PSMG4: variants seen among roughly 807,000 people sequenced by gnomAD.
PSMG4 encodes the protein proteasome assembly chaperone 4, also known as proteasome (prosome, macropain) assembly chaperone 4.
In PSMG4, 10 loss-of-function variants were observed where a neutral mutation model predicts 11.0. That is an observed-to-expected ratio of 0.91 (90% CI 0.56 to 1.54). The LOEUF is 1.54. Among genes scored for constraint, PSMG4 ranks in the 40% most tolerant of loss-of-function variants. PSMG4 has a pLI of 0.00. For synonymous variants in PSMG4, 95 were observed against 71.3 expected (o/e 1.33, Z -1.68); for missense variants, 198 against 160.9 (o/e 1.23, Z -1.25).
At chr6:3,257,345 A>G (rs1234378704), upstream of PSMG4, among the ~76,000 whole-genome samples, 1 of 152,134 alleles carries the variant, frequency 6.6e-6, no homozygotes, top group Non-Finnish European at 1.5e-5. Flanking sequence ...AGCTGGAGAG[A>G]GAGAGGAGCA....
chr6:3,254,688 C>T (rs924595474), upstream of PSMG4, among the ~76,000 whole-genome samples: 7 of 152,098 alleles, frequency 4.6e-5, no homozygotes, highest in African/African-American at 9.7e-5. Flanking sequence ...CTAAACTCAA[C>T]AGAAAGAAGC....
chr6:3,258,038 A>G (rs1260487413), upstream of PSMG4, among the ~76,000 whole-genome samples: 1 of 151,254 alleles, frequency 6.6e-6, no homozygotes, highest in Admixed American at 6.6e-5. Context: ...TTAAATCTCT[A>G]AAGTCAGTTG....
intron 2 of PSMG4, chr6:3,264,416 T>G (rs1314957747): frequency 6.7e-7 from 1 of 1,486,136 alleles, no homozygotes; most frequent in African/African-American, 1.4e-5. Flanking sequence ...CCTGGCGTTC[T>G]CCAGTAGGCC....
rs1384606034 is a variant in PSMG4, at chr6:3,267,604, C to CAA, written c.266_267dup (p.Gln90AsnfsTer20). 1 of 1,551,768 alleles carries CAA rather than the reference C, an allele frequency of 6.4e-7. No individual in the cohort carries two copies. Among genetic ancestry groups the CAA allele is most frequent in the Admixed American group, 2.0e-5 (1 of 50,986 alleles). On this transcript the variant is annotated frameshift_variant, in exon 3 of 3. Transcript: ENST00000438998. LOFTEE classifies it high-confidence loss of function. ...TTCTCTTTTTAGCCAGGAAGACCAA[C>CAA]AAACAGGTGTTTGTCAGCTATAACC...
At chr6:3,264,523 C>G (rs967715616) in intron 2 of PSMG4, 22 of 1,054,026 alleles carry the variant, frequency 2.1e-5, no homozygotes, top group Non-Finnish European at 1.6e-5. Context: ...GAGGCAAATG[C>G]ACACGAATAG....
chr6:3,259,990 G>A (rs919790274), intron 1 of PSMG4, among the ~76,000 whole-genome samples: 1 of 151,912 alleles, frequency 6.6e-6, no homozygotes, highest in Non-Finnish European at 1.5e-5. Flanking sequence ...CCCAGGCTGG[G>A]GTACAGTGTC....
chr6:3,257,257 C>G (rs1757796176), upstream of PSMG4, among the ~76,000 whole-genome samples: 1 of 152,126 alleles, frequency 6.6e-6, no homozygotes, highest in Non-Finnish European at 1.5e-5. Context: ...GACTGCAGGG[C>G]AGTGTTCCAG....
upstream of PSMG4, among the ~76,000 whole-genome samples, chr6:3,256,879 A>C (rs1757783648): frequency 6.6e-6 from 1 of 152,170 alleles, no homozygotes; most frequent in Admixed American, 6.5e-5. Context: ...GATTTGTAGC[A>C]GTTGGGACAA....
chr6:3,255,066 G>T, upstream of PSMG4: 2 of 1,550,928 alleles, frequency 1.3e-6, no homozygotes, highest in Non-Finnish European at 1.7e-6. Context: ...AACACACTTG[G>T]AATATGCTTC....
chr6:3,255,831 T>C (rs1241524881), upstream of PSMG4, among the ~76,000 whole-genome samples: 1 of 151,884 alleles, frequency 6.6e-6, no homozygotes, highest in Non-Finnish European at 1.5e-5. Context: ...TGGGCAAAAC[T>C]GTAAATGAAT....
chr6:3,258,236 C>T (rs533896322), upstream of PSMG4, among the ~76,000 whole-genome samples: 6 of 152,312 alleles, frequency 3.9e-5, no homozygotes, highest in South Asian at 2.1e-4. Context: ...TCCACGTCTC[C>T]GAAAGGCACC....
chr6:3,258,856 C>T, upstream of PSMG4: 1 of 608,908 alleles, frequency 1.6e-6, no homozygotes, highest in Middle Eastern at 5.0e-4. Flanking sequence ...ACGCCCCCAA[C>T]CCAAGCCCGG....
intron 1 of PSMG4, among the ~76,000 whole-genome samples, chr6:3,263,336 G>A (rs1758062148): frequency 6.6e-6 from 1 of 152,248 alleles, no homozygotes; most frequent in African/African-American, 2.4e-5. Flanking sequence ...TCTTCTTGCT[G>A]TAGCCTTAAT....
chr6:3,261,711 G>C (rs536795983), intron 1 of PSMG4, among the ~76,000 whole-genome samples: 1 of 152,180 alleles, frequency 6.6e-6, no homozygotes, highest in Non-Finnish European at 1.5e-5. Flanking sequence ...GTAGGCATTA[G>C]CTTAAGGCAG....
chr6:3,263,792 C>T, intron 2 of PSMG4, 33 bp downstream of exon 2: 1 of 1,540,666 alleles, frequency 6.5e-7, no homozygotes, highest in Non-Finnish European at 8.8e-7. Context: ...GCATGGCCAG[C>T]CAGGTGGGGC....
At chr6:3,256,982 G>A (rs959952975), upstream of PSMG4, among the ~76,000 whole-genome samples, 1 of 152,132 alleles carries the variant, frequency 6.6e-6, no homozygotes, top group African/African-American at 2.4e-5. Context: ...TGAAAGGACA[G>A]GGTCAGAGCA....
At chr6:3,261,193 G>T (rs147791162) in intron 1 of PSMG4, among the ~76,000 whole-genome samples, 121 of 152,076 alleles carry the variant, frequency 8.0e-4, no homozygotes, top group African/African-American at 2.9e-3. Flanking sequence ...TTGGGAAGGA[G>T]ATGGCATCTG....
upstream of PSMG4, chr6:3,258,808 C>T (rs1757848600): frequency 1.0e-5 from 4 of 397,128 alleles, no homozygotes; most frequent in East Asian, 1.1e-4. Flanking sequence ...CCAGGGACAG[C>T]TACTCCGCCC....
chr6:3,255,672 T>C (rs12206593), upstream of PSMG4, among the ~76,000 whole-genome samples: 103,862 of 152,098 alleles, frequency 0.68, 38,731 homozygotes, highest in Non-Finnish European at 0.83. Context: ...CCTTAAGTGA[T>C]TTGTATGAGA....
Sources: gnomAD v4.1 joint callset for allele counts (sites outside exome capture counted in the v4.1 genomes callset) on GRCh38, gnomAD v4.1.1 for gene constraint, MANE v1.5 for transcripts, NCBI Gene and HGNC (gene_info 2026-07-23, HGNC 2026-07-21) for gene names.